The following FRMD8 variants were observed in gnomAD, a reference collection of about 807,000 sequenced individuals.
FRMD8 encodes the protein FERM domain containing 8.
A neutral mutation model predicts 54.2 loss-of-function variants in FRMD8; 37 were observed. That is an observed-to-expected ratio of 0.68 (90% CI 0.53 to 0.90). FRMD8 has a LOEUF of 0.90. Ranked by LOEUF, FRMD8 falls within the 40% of genes least tolerant of loss-of-function variation. FRMD8 has a pLI of 0.00. For missense variants in FRMD8, 585 were observed against 653.7 expected (o/e 0.89, Z 1.15); for synonymous variants, 246 against 286.9 (o/e 0.86, Z 1.44).
chr11:65,402,911 G>GT (rs1282542507), intron 9 of FRMD8, among the ~76,000 whole-genome samples: 14 of 146,932 alleles, frequency 9.5e-5, no homozygotes, highest in Admixed American at 8.1e-4. Context: ...AATTGTTTTT[G>GT]TTTTTTTTGA....
At chr11:65,393,794 TCTCCCCCAGG>T in intron 4 of FRMD8, 120 bp downstream of exon 4, 1 of 895,116 alleles carries the variant, frequency 1.1e-6, no homozygotes, top group Non-Finnish European at 1.7e-6. Context: ...AGGGCCTGCA[TCTCCCCCAGG>T]CTCCGTCAGC....
chr11:65,371,166 G>A, the FRMD8 span, among the ~76,000 whole-genome samples: 678 of 152,212 alleles, frequency 4.5e-3, 5 homozygotes, highest in African/African-American at 0.014. Flanking sequence ...GACCCCCTTG[G>A]CTCAGCTGTT....
At chr11:65,403,625 C>T (rs1020963044) in intron 9 of FRMD8, among the ~76,000 whole-genome samples, 4 of 152,300 alleles carry the variant, frequency 2.6e-5, no homozygotes, top group African/African-American at 7.2e-5. Flanking sequence ...TGTGCGCAGG[C>T]GTCCCTGACG....
In FRMD8 at chr11:65,413,301, T is replaced by C. The variant is rs897846499; in HGVS notation, c.*1941T>C. The C allele has an allele frequency of 1.8e-4, 28 of 152,236 alleles. No individual in the cohort carries two copies. The highest frequency in any genetic ancestry group is 5.6e-4 in the African/African-American group (23 of 41,430). 9.4% of individuals were successfully genotyped at this position (152,236 alleles called of 1,614,324 possible). A position where few individuals can be genotyped will look rare whatever the true frequency, so the allele number is the denominator to read the frequency against. ...CGCCCCCAGCTGATTCCAGGCGAAT[T>C]CTTCTCTGATGGGCGGGCGAGGGTG... On this transcript the variant is annotated 3_prime_UTR_variant, in exon 11 of 11. Transcript: ENST00000317568.
At chr11:65,397,205 C>G (rs2037069899) in intron 7 of FRMD8, among the ~76,000 whole-genome samples, 185 bp downstream of exon 7, 1 of 152,214 alleles carries the variant, frequency 6.6e-6, no homozygotes, top group African/African-American at 2.4e-5. Context: ...TTCCTCCTGT[C>G]AGGGGCTGGG....
chr11:65,403,707 G>A (rs752368189), intron 9 of FRMD8, among the ~76,000 whole-genome samples: 4 of 152,202 alleles, frequency 2.6e-5, no homozygotes, highest in Non-Finnish European at 4.4e-5. Context: ...TCAGAGATGC[G>A]CTTCATCAGG....
At position 65,388,587 on chromosome 11, in the gene FRMD8, T is replaced by C. The variant is rs367612277; in HGVS notation, c.86-774T>C. Among the ~76,000 whole-genome samples, 11 of 152,290 alleles carry C rather than the reference T, an allele frequency of 7.2e-5. No homozygotes were observed. In the East Asian group the frequency reaches 1.3e-3, roughly 19 times the overall value. ...CCCAAACTCCAGTGTTCCTTCACCATGCCTGCAGTCTCAGGGATGGGGATT... is the reference window on the plus strand; with the variant it reads ...CCCAAACTCCAGTGTTCCTTCACCACGCCTGCAGTCTCAGGGATGGGGATT... On this transcript the variant is annotated intron_variant, in intron 2 of 10. Transcript: ENST00000317568.
the FRMD8 span, chr11:65,379,908 C>G: frequency 5.6e-6 from 9 of 1,614,180 alleles, no homozygotes; most frequent in South Asian, 9.9e-5. Context: ...TCAACGATGC[C>G]CCGGTAGGTG....
At chr11:65,405,114 G>C (rs113532774) in intron 10 of FRMD8, 46 bp downstream of exon 10, 8 of 1,563,070 alleles carry the variant, frequency 5.1e-6, no homozygotes, top group Non-Finnish European at 6.2e-6. Flanking sequence ...ACGCATGCGC[G>C]TGCACACACC....
At chr11:65,373,674 C>T in the FRMD8 span, among the ~76,000 whole-genome samples, 1 of 152,146 alleles carries the variant, frequency 6.6e-6, no homozygotes, top group Non-Finnish European at 1.5e-5. Flanking sequence ...GCAGCCTCAA[C>T]CTCCCAGGTT....
chr11:65,379,405 G>T, the FRMD8 span: 1 of 1,612,336 alleles, frequency 6.2e-7, no homozygotes, highest in Non-Finnish European at 8.5e-7. Context: ...CAGCCCGCTA[G>T]GAAGATGTGC....
the FRMD8 span, chr11:65,376,288 C>G: frequency 7.6e-6 from 10 of 1,319,118 alleles, no homozygotes; most frequent in Non-Finnish European, 1.0e-5. Flanking sequence ...TGGGAGGCAC[C>G]TTGGTTAGGA....
At chr11:65,392,264 T>G (rs2137876489) in intron 3 of FRMD8, among the ~76,000 whole-genome samples, 1 of 152,118 alleles carries the variant, frequency 6.6e-6, no homozygotes, top group East Asian at 1.9e-4. Flanking sequence ...TGTGGAGCTG[T>G]GGCTGCTCTT....
chr11:65,398,957 A>C (rs531862972), intron 7 of FRMD8, among the ~76,000 whole-genome samples: 1 of 149,414 alleles, frequency 6.7e-6, no homozygotes, highest in East Asian at 2.0e-4. Context: ...AGGAGAAGGC[A>C]AGGCTGCAGG....
At chr11:65,408,417 A>G (rs1009519066) in intron 10 of FRMD8, among the ~76,000 whole-genome samples, 10 of 151,748 alleles carry the variant, frequency 6.6e-5, no homozygotes, top group Admixed American at 2.6e-4. Context: ...TTTTTCTACA[A>G]TGTAATTTGG....
chr11:65,399,281 G>A (rs971223476), intron 7 of FRMD8, among the ~76,000 whole-genome samples: 1 of 152,068 alleles, frequency 6.6e-6, no homozygotes. Flanking sequence ...TCACAGGCAT[G>A]AGCCACCGCG....
intron 10 of FRMD8, among the ~76,000 whole-genome samples, chr11:65,409,209 C>T (rs548590417): frequency 7.9e-5 from 12 of 152,180 alleles, no homozygotes; most frequent in South Asian, 4.2e-4. Context: ...GCCTCAGCCT[C>T]GCAAGTAGCT....
At chr11:65,398,805 G>A (rs540938721) in intron 7 of FRMD8, among the ~76,000 whole-genome samples, 25 of 152,264 alleles carry the variant, frequency 1.6e-4, no homozygotes, top group South Asian at 1.0e-3. Flanking sequence ...GAAGTCTTCC[G>A]GAGGAGGCTG....
the FRMD8 span, chr11:65,379,580 G>T: frequency 2.5e-6 from 4 of 1,593,708 alleles, no homozygotes; most frequent in Non-Finnish European, 3.4e-6. Context: ...AGACACAGTG[G>T]CAGCGGAGTA....
Sources: gnomAD v4.1 joint callset for allele counts (sites outside exome capture counted in the v4.1 genomes callset) on GRCh38, gnomAD v4.1.1 for gene constraint, MANE v1.5 for transcripts, NCBI Gene and HGNC (gene_info 2026-07-23, HGNC 2026-07-21) for gene names.